UNC5C: variants seen among roughly 807,000 people sequenced by gnomAD.
UNC5C encodes netrin receptor UNC5C.
UNC5C carries 47 observed loss-of-function variants against 99.8 expected under a neutral mutation model. The observed-to-expected ratio is 0.47, with a 90% CI of 0.37 to 0.60. The LOEUF (loss-of-function observed/expected upper bound fraction) is 0.60, where lower values mean the gene tolerates loss of function less well. Among genes scored for constraint, UNC5C ranks in the 20% least tolerant of loss-of-function variants. The probability of loss-of-function intolerance (pLI) is 0.00; values close to 1 mark genes in which losing one functional copy is unlikely to be tolerated. For synonymous variants in UNC5C, 487 were observed against 452.2 expected, an observed-to-expected ratio of 1.08 and a Z score of -0.98; for missense variants, 1,062 against 1,165.9, an observed-to-expected ratio of 0.91 and a Z score of 1.30.
At chr4:95,316,977 G>GAA (rs35955009) in intron 2 of UNC5C, among the ~76,000 whole-genome samples, 56 of 145,372 alleles carry the variant, frequency 3.9e-4, no homozygotes, top group Middle Eastern at 3.5e-3. Context: ...TCACTGCTCA[G>GAA]AAAAAAAAAG....
chr4:95,293,479 G>C (rs1010863725), intron 3 of UNC5C, among the ~76,000 whole-genome samples: 1 of 150,730 alleles, frequency 6.6e-6, no homozygotes, highest in Non-Finnish European at 1.5e-5. Flanking sequence ...CACCACACTT[G>C]GTTAATTTTT....
intron 7 of UNC5C, among the ~76,000 whole-genome samples, chr4:95,230,525 T>C (rs1738873835): frequency 6.6e-6 from 1 of 152,214 alleles, no homozygotes. Context: ...CCCATGCCTA[T>C]GTCCTGAATG....
chr4:95,312,227 T>G (rs1229060554), intron 2 of UNC5C, among the ~76,000 whole-genome samples: 1 of 152,164 alleles, frequency 6.6e-6, no homozygotes, highest in Non-Finnish European at 1.5e-5. Context: ...GCCACACTGA[T>G]GAAATGCTTA....
At chr4:95,472,659 G>A (rs1354433792) in intron 1 of UNC5C, among the ~76,000 whole-genome samples, 1 of 152,008 alleles carries the variant, frequency 6.6e-6, no homozygotes, top group Non-Finnish European at 1.5e-5. Context: ...TCATTTGTGT[G>A]GGTTAATGAC....
intron 14 of UNC5C, 142 bp downstream of exon 14, chr4:95,182,755 T>C: frequency 1.2e-6 from 1 of 826,632 alleles, no homozygotes; most frequent in African/African-American, 1.7e-5. Flanking sequence ...TTACAAATAT[T>C]ATTCTATTAA....
intron 4 of UNC5C, among the ~76,000 whole-genome samples, chr4:95,272,851 C>G (rs764082525): frequency 3.3e-5 from 5 of 152,198 alleles, no homozygotes; most frequent in Non-Finnish European, 5.9e-5. Flanking sequence ...AAGCACCACT[C>G]TGGAGACAAT....
intron 1 of UNC5C, among the ~76,000 whole-genome samples, chr4:95,529,041 A>G (rs1250084392): frequency 5.9e-5 from 9 of 151,914 alleles, no homozygotes; most frequent in African/African-American, 1.9e-4. Flanking sequence ...TTTTTTTCAT[A>G]TCCGTTTACC....
chr4:95,423,627 G>A (rs1220119467), intron 1 of UNC5C, among the ~76,000 whole-genome samples: 2 of 152,278 alleles, frequency 1.3e-5, no homozygotes, highest in South Asian at 2.1e-4. Flanking sequence ...GGAAATTGGG[G>A]AGATAAATCA....
chr4:95,462,960 T>C (rs1168991881), intron 1 of UNC5C, among the ~76,000 whole-genome samples: 2 of 152,124 alleles, frequency 1.3e-5, no homozygotes, highest in Non-Finnish European at 2.9e-5. Context: ...AGGGTGACAG[T>C]GTCTTTGATC....
At chr4:95,514,945 T>G (rs971396448) in intron 1 of UNC5C, among the ~76,000 whole-genome samples, 1 of 152,078 alleles carries the variant, frequency 6.6e-6, no homozygotes, top group African/African-American at 2.4e-5. Context: ...GTGCTGGGAT[T>G]ACAGCCATGA....
intron 1 of UNC5C, among the ~76,000 whole-genome samples, chr4:95,519,330 A>G (rs1040886804): frequency 6.6e-6 from 1 of 152,144 alleles, no homozygotes; most frequent in African/African-American, 2.4e-5. Flanking sequence ...AGGGGAAACC[A>G]GAGACCTCTT....
chr4:95,492,554 T>C (rs1721524611), intron 1 of UNC5C, among the ~76,000 whole-genome samples: 1 of 151,356 alleles, frequency 6.6e-6, no homozygotes, highest in Non-Finnish European at 1.5e-5. Context: ...CCTTATGCAT[T>C]AATGCTTTTA....
chr4:95,307,774 T>G (rs1479540500), intron 2 of UNC5C, among the ~76,000 whole-genome samples: 1 of 152,142 alleles, frequency 6.6e-6, no homozygotes, highest in East Asian at 1.9e-4. Flanking sequence ...CATGCACCCT[T>G]ATCAAGTGGG....
At chr4:95,354,479 A>ATTT (rs1553965987) in intron 1 of UNC5C, among the ~76,000 whole-genome samples, 11 of 110,300 alleles carry the variant, frequency 1.0e-4, no homozygotes, top group South Asian at 2.9e-4. Context: ...ATATATATAT[A>ATTT]TTTTTTTTTT....
At chr4:95,245,291 C>T (rs1359475088) in intron 5 of UNC5C, 147 bp from the exon 6 acceptor site, 23 of 888,502 alleles carry the variant, frequency 2.6e-5, no homozygotes, top group Non-Finnish European at 3.7e-5. Flanking sequence ...CCAGAAGAGA[C>T]CATGGACCTC....
intron 14 of UNC5C, among the ~76,000 whole-genome samples, chr4:95,177,018 G>A (rs907430657): frequency 2.6e-5 from 4 of 152,208 alleles, no homozygotes; most frequent in African/African-American, 7.2e-5. Flanking sequence ...GGTGCCGTCT[G>A]TCACCCCTTT....
At chr4:95,400,288 G>C (rs1272128040) in intron 1 of UNC5C, among the ~76,000 whole-genome samples, 1 of 149,732 alleles carries the variant, frequency 6.7e-6, no homozygotes, top group Non-Finnish European at 1.5e-5. Flanking sequence ...TGAGAGAGGA[G>C]AAATGTCAAG....
rs996174897 is a variant in UNC5C at position 95,263,156 on chromosome 4, T to C, written c.595-12489A>G. Among the ~76,000 whole-genome samples, 3 of 152,330 alleles carry C rather than the reference T, an allele frequency of 2.0e-5. No homozygotes were observed. The East Asian group carries it at 5.8e-4, about 29-fold the overall frequency. ...AAGAAGAGTTTGTTCTTACATTTTC[T>C]TAATCGGTAATGTTGAGTAAGACAT... On this transcript the variant is annotated intron_variant, in intron 4 of 15. Transcript: ENST00000453304.
intron 7 of UNC5C, among the ~76,000 whole-genome samples, chr4:95,228,581 G>A (rs1236438351): frequency 6.6e-6 from 1 of 152,166 alleles, no homozygotes; most frequent in Middle Eastern, 3.2e-3. Flanking sequence ...TATAAAGCTG[G>A]TGAAACAGCA....
Sources: allele counts gnomAD v4.1 joint callset (sites outside exome capture counted in the v4.1 genomes callset), GRCh38; gene constraint gnomAD v4.1.1; transcripts MANE v1.5; gene names NCBI Gene and HGNC (gene_info 2026-07-23, HGNC 2026-07-21).